The following UBE2K variants were observed in gnomAD, a reference collection of about 807,000 sequenced individuals.
UBE2K encodes ubiquitin conjugating enzyme E2 K, also known as ubiquitin-conjugating enzyme E2 K.
In UBE2K, 6 loss-of-function variants were observed where a neutral mutation model predicts 30.0. The observed-to-expected ratio is 0.20, with a 90% CI of 0.11 to 0.39. UBE2K has a LOEUF of 0.39. UBE2K is among the 10% of genes least tolerant of loss of function. The pLI is 1.00. For missense variants in UBE2K, 61 were observed against 241.6 expected, an observed-to-expected ratio of 0.25 and a Z score of 4.96; for synonymous variants, 86 against 83.7, an observed-to-expected ratio of 1.03 and a Z score of -0.15.
chr4:39,760,538 CAAA>C (rs1046523779), intron 4 of UBE2K, among the ~76,000 whole-genome samples: 4 of 152,064 alleles, frequency 2.6e-5, no homozygotes, highest in African/African-American at 9.7e-5. Context: ...AAGCCAGACA[CAAA>C]AGAATACATA....
At chr4:39,774,810 A>G in intron 4 of UBE2K, 24 bp from the exon 5 acceptor site, 1 of 1,430,186 alleles carries the variant, frequency 7.0e-7, no homozygotes, top group East Asian at 2.5e-5. Flanking sequence ...CTTAATTGGG[A>G]TATTTTCATG....
At position 39,721,538 on chromosome 4, in the gene UBE2K, G is replaced by C. The variant is rs1273340139; in HGVS notation, c.64-15882G>C. Among the ~76,000 whole-genome samples, 4 of 151,414 alleles carry C rather than the reference G, an allele frequency of 2.6e-5. No individual in the cohort carries two copies. In the East Asian group the frequency reaches 7.8e-4, roughly 29 times the overall value. On this transcript the variant is annotated intron_variant, in intron 1 of 6. Coordinates refer to ENST00000261427, the MANE Select transcript of UBE2K (RefSeq NM_005339.5). Reference sequence around the variant, plus strand: ...CCTGCTAATTTTCATATTTTTTTTTGTAGAGATGGGGTTTCACCGTGTTGC... The same window carrying C: ...CCTGCTAATTTTCATATTTTTTTTTCTAGAGATGGGGTTTCACCGTGTTGC...
chr4:39,779,042 A>ACCCCC lies in UBE2K; in HGVS notation c.*612_*616dup, dbSNP rs3839130. On this transcript the variant is annotated 3_prime_UTR_variant, in exon 7 of 7. Transcript: ENST00000261427. Reference sequence around the variant, plus strand: ...TGGGACAGTGTCTGATTCCCCCTTCACCCCCCCCACCCCCGCCTTGCCACA... The same window carrying ACCCCC: ...TGGGACAGTGTCTGATTCCCCCTTCACCCCCCCCCCCCCACCCCCGCCTTGCCACA... 1.3e-3 allele frequency: 162 copies of ACCCCC among 128,298 alleles called. No homozygotes were observed. The highest frequency in any genetic ancestry group is 4.0e-3 in the Middle Eastern group (1 of 250). 7.9% of individuals were successfully genotyped at this position (128,298 alleles called of 1,614,324 possible). A position where few individuals can be genotyped will look rare whatever the true frequency, so the allele number is the denominator to read the frequency against.
intron 1 of UBE2K, among the ~76,000 whole-genome samples, chr4:39,724,321 G>C (rs1719606240): frequency 6.6e-6 from 1 of 151,334 alleles, no homozygotes; most frequent in South Asian, 2.1e-4. Context: ...TGTTGACTAG[G>C]CTAGTCTCAA....
chr4:39,703,586 C>T (rs779247953), intron 1 of UBE2K, among the ~76,000 whole-genome samples: 5 of 151,956 alleles, frequency 3.3e-5, no homozygotes, highest in Admixed American at 2.0e-4. Flanking sequence ...TGGTGGCTCA[C>T]GCCTGTAATC....
intron 4 of UBE2K, among the ~76,000 whole-genome samples, chr4:39,768,628 T>C (rs1484367982): frequency 6.6e-6 from 1 of 152,128 alleles, no homozygotes; most frequent in Non-Finnish European, 1.5e-5. Context: ...GCGATCTTCC[T>C]GCCTCAGCCT....
chr4:39,777,352 TATA>T (rs1713337533), intron 5 of UBE2K, among the ~76,000 whole-genome samples: 1 of 152,248 alleles, frequency 6.6e-6, no homozygotes, highest in African/African-American at 2.4e-5. Flanking sequence ...TGTTCAGTTG[TATA>T]ATGTTTGCTG....
rs1338936562 is a variant in UBE2K, at chr4:39,778,614, C to T, written c.*180C>T. 1 of 454,158 alleles carries T rather than the reference C, an allele frequency of 2.2e-6. No homozygotes were observed. Among genetic ancestry groups the T allele is most frequent in the Non-Finnish European group, 3.9e-6 (1 of 256,718 alleles). The allele number at this position is 454,158 out of a possible 1,614,324, so 28.1% of individuals were successfully genotyped here. A position where few individuals can be genotyped will look rare whatever the true frequency, so the allele number is the denominator to read the frequency against. On this transcript the variant is annotated 3_prime_UTR_variant, in exon 7 of 7. Transcript: ENST00000261427. ...TGCTCTGTAAATAAAGCTAATTAAA[C>T]GTCTGTGTAAATTTAAAAAGGGGAA...
intron 2 of UBE2K, among the ~76,000 whole-genome samples, chr4:39,740,867 A>G (rs1720664859): frequency 6.6e-6 from 1 of 151,544 alleles, no homozygotes; most frequent in African/African-American, 2.4e-5. Context: ...CGTCTCAAAA[A>G]AAAAAAAAAA....
Position 39,736,290 on chromosome 4 carries a change from G to A in UBE2K, c.64-1130G>A, listed in dbSNP as rs775226120. On this transcript the variant is annotated intron_variant, in intron 1 of 6. Coordinates refer to ENST00000261427, the MANE Select transcript of UBE2K (RefSeq NM_005339.5). ...AGCCTGGCCAACGTGGCGAAACCCC[G>A]TCTTGACTAAAAATAACAAAAATTA... Among the ~76,000 whole-genome samples, 11 of 152,194 alleles carry A rather than the reference G, an allele frequency of 7.2e-5. No individual in the cohort carries two copies. The South Asian group carries it at 1.0e-3, about 14-fold the overall frequency.
chr4:39,737,718 TA>T (rs1720452751), intron 2 of UBE2K, among the ~76,000 whole-genome samples: 1 of 152,190 alleles, frequency 6.6e-6, no homozygotes, highest in Non-Finnish European at 1.5e-5. Flanking sequence ...TTTCTTTCCA[TA>T]AAACAGTTTT....
chr4:39,746,215 A>G (rs922584501), intron 3 of UBE2K, among the ~76,000 whole-genome samples: 21 of 152,180 alleles, frequency 1.4e-4, no homozygotes, highest in Non-Finnish European at 2.5e-4. Context: ...GCCAAGAACT[A>G]TAGCAGTAAC....
intron 2 of UBE2K, among the ~76,000 whole-genome samples, chr4:39,738,857 TAG>T (rs1720516277): frequency 6.6e-6 from 1 of 152,102 alleles, no homozygotes. Context: ...GTATTTTTAG[TAG>T]AGACAGGGTT....
intron 2 of UBE2K, among the ~76,000 whole-genome samples, chr4:39,743,046 GAAA>G (rs34032249): frequency 1.5e-5 from 2 of 134,270 alleles, no homozygotes; most frequent in African/African-American, 2.8e-5. Context: ...CCTGTCTCAG[GAAA>G]AAAAAAAAAA....
intron 1 of UBE2K, among the ~76,000 whole-genome samples, chr4:39,698,881 A>G (rs1717851017): frequency 6.6e-6 from 1 of 152,210 alleles, no homozygotes; most frequent in African/African-American, 2.4e-5. Context: ...GGGAAGGAGC[A>G]GTGAGTCCTT....
intron 4 of UBE2K, among the ~76,000 whole-genome samples, chr4:39,760,557 T>C (rs1711858289): frequency 6.6e-6 from 1 of 152,148 alleles, no homozygotes; most frequent in East Asian, 1.9e-4. Flanking sequence ...ACATACTGTA[T>C]GGTTCAATTT....
chr4:39,736,242 C>T (rs1417568092), intron 1 of UBE2K, among the ~76,000 whole-genome samples: 1 of 152,118 alleles, frequency 6.6e-6, no homozygotes, highest in Non-Finnish European at 1.5e-5. Flanking sequence ...GCGGGCGTAT[C>T]GCGAGGTCAG....
At chr4:39,747,894 T>G (rs1181076656) in intron 3 of UBE2K, among the ~76,000 whole-genome samples, 1 of 151,796 alleles carries the variant, frequency 6.6e-6, no homozygotes, top group African/African-American at 2.4e-5. Context: ...CTCTGTCTCC[T>G]GGGTTCAAGC....
intron 2 of UBE2K, among the ~76,000 whole-genome samples, chr4:39,739,635 C>T (rs951537301): frequency 3.3e-5 from 5 of 151,906 alleles, no homozygotes; most frequent in Admixed American, 2.0e-4. Flanking sequence ...TTAGTAGAGG[C>T]GGGGTTTCAC....
Sources: allele counts gnomAD v4.1 joint callset (sites outside exome capture counted in the v4.1 genomes callset), GRCh38; gene constraint gnomAD v4.1.1; transcripts MANE v1.5; gene names NCBI Gene and HGNC (gene_info 2026-07-23, HGNC 2026-07-21).